TUT4: variants seen among roughly 807,000 people sequenced by gnomAD.
The protein encoded by TUT4 is terminal uridylyl transferase 4.
TUT4 carries 36 observed loss-of-function variants against 192.2 expected under a neutral mutation model. The ratio of observed to expected loss-of-function variants is 0.19; its 90% CI spans 0.14 to 0.25. The LOEUF is 0.25. TUT4 is among the 10% of genes least tolerant of loss of function. The pLI is 1.00. For missense variants in TUT4, 1,493 were observed against 1,957.2 expected (o/e 0.76, Z 4.47); for synonymous variants, 618 against 666.0 (o/e 0.93, Z 1.11).
intron 8 of TUT4, among the ~76,000 whole-genome samples, chr1:52,490,145 A>G (rs906848982): frequency 6.9e-6 from 1 of 145,388 alleles, no homozygotes; most frequent in Non-Finnish European, 1.5e-5. Context: ...CCTTGAGAAG[A>G]GAGGCTTTTT....
intron 28 of TUT4, among the ~76,000 whole-genome samples, chr1:52,426,486 G>A (rs1649989535): frequency 6.6e-6 from 1 of 152,020 alleles, no homozygotes; most frequent in African/African-American, 2.4e-5. Flanking sequence ...GGAATAAAAG[G>A]GAATAACTGC....
intron 19 of TUT4, among the ~76,000 whole-genome samples, chr1:52,458,888 GT>G (rs986139824): frequency 6.6e-6 from 1 of 151,964 alleles, no homozygotes; most frequent in African/African-American, 2.4e-5. Flanking sequence ...GACTAAGAAG[GT>G]TTTTTTAATT....
At chr1:52,456,192 T>A (rs895447210) in intron 20 of TUT4, among the ~76,000 whole-genome samples, 2 of 151,240 alleles carry the variant, frequency 1.3e-5, no homozygotes, top group African/African-American at 4.9e-5. Context: ...TCACCTGAGG[T>A]CAGACATTAG....
At chr1:52,546,066 G>A (rs1268841536) in intron 1 of TUT4, among the ~76,000 whole-genome samples, 1 of 151,952 alleles carries the variant, frequency 6.6e-6, no homozygotes, top group Non-Finnish European at 1.5e-5. Flanking sequence ...TTGAGCCCAG[G>A]AGGCAGAGGT....
chr1:52,462,565 T>A (rs1242844503), intron 16 of TUT4: 1 of 242,358 alleles, frequency 4.1e-6, no homozygotes, highest in Non-Finnish European at 6.6e-6. Flanking sequence ...TACTATTCTA[T>A]AAAATCAAGA....
chr1:52,425,341 A>C lies in TUT4; in HGVS notation c.4870+8T>G. The C allele has an allele frequency of 1.9e-6, 3 of 1,612,426 alleles. No individual in the cohort carries two copies. Among genetic ancestry groups the C allele is most frequent in the Admixed American group, 3.3e-5 (2 of 59,802 alleles). Reference sequence around the variant, plus strand: ...CAAGCCTGTTAACTAATTTGTAAGCAGTGGTACCTTGAGTATAGAAAGGTT... The same window carrying C: ...CAAGCCTGTTAACTAATTTGTAAGCCGTGGTACCTTGAGTATAGAAAGGTT... On this transcript the variant is annotated splice_region_variant and intron_variant, in intron 29 of 29. Coordinates refer to ENST00000257177, the MANE Select transcript of TUT4 (RefSeq NM_001009881.3).
chr1:52,469,635 A>G (rs1557750315), intron 14 of TUT4, among the ~76,000 whole-genome samples: 1 of 152,178 alleles, frequency 6.6e-6, no homozygotes, highest in Non-Finnish European at 1.5e-5. Flanking sequence ...TCACACCTGT[A>G]AGCCCAGCAC....
chr1:52,462,649 T>G, intron 16 of TUT4: 1 of 892,680 alleles, frequency 1.1e-6, no homozygotes, highest in Non-Finnish European at 1.3e-6. Flanking sequence ...CTCAGCAGAA[T>G]GCCTGGCACA....
intron 20 of TUT4, 45 bp downstream of exon 20, chr1:52,458,291 A>G (rs373574532): frequency 1.2e-5 from 17 of 1,449,706 alleles, no homozygotes; most frequent in African/African-American, 5.7e-5. Context: ...GTTTAGATCT[A>G]TTGTTTTCAA....
At chr1:52,441,985 T>G (rs1321214927) in intron 24 of TUT4, among the ~76,000 whole-genome samples, 1 of 151,906 alleles carries the variant, frequency 6.6e-6, no homozygotes, top group Non-Finnish European at 1.5e-5. Flanking sequence ...CTGGCCAGCG[T>G]GGTGAAACCC....
intron 24 of TUT4, among the ~76,000 whole-genome samples, chr1:52,439,887 GAATGGATAATA>G (rs1431410700): frequency 6.6e-6 from 1 of 152,098 alleles, no homozygotes; most frequent in East Asian, 1.9e-4. Context: ...AACAACTGAT[GAATGGATAATA>G]AAATGTGGTA....
At chr1:52,543,742 C>G (rs1687336842) in intron 1 of TUT4, among the ~76,000 whole-genome samples, 1 of 151,904 alleles carries the variant, frequency 6.6e-6, no homozygotes, top group East Asian at 1.9e-4. Context: ...CCTCGGCCTC[C>G]TAAAGTGCTG....
Position 52,505,415 on chromosome 1 carries a change from A to C in TUT4, c.999+4181T>G, listed in dbSNP as rs1356815023. The stretch of plus-strand genomic sequence containing the variant: ...GTCGTCTTCTACTCCTAGTTTGCTT[A>C]GACTTTTTTTTTTTTTTTTTTTTTG... On this transcript the variant is annotated intron_variant, in intron 4 of 29. Coordinates refer to ENST00000257177, the MANE Select transcript of TUT4 (RefSeq NM_001009881.3). 5.0e-5 allele frequency among the ~76,000 whole-genome samples: 7 copies of C among 141,102 alleles called. No individual in the cohort carries two copies. The East Asian group carries it at 1.4e-3, about 29-fold the overall frequency. 92.6% of individuals were successfully genotyped at this position (141,102 alleles called of 152,430 possible). A position where few individuals can be genotyped will look rare whatever the true frequency, so the allele number is the denominator to read the frequency against.
intron 13 of TUT4, 129 bp from the exon 14 acceptor site, chr1:52,472,231 A>T: frequency 1.1e-6 from 1 of 912,422 alleles, no homozygotes; most frequent in Non-Finnish European, 1.6e-6. Flanking sequence ...AGGTAATTAA[A>T]AAAAAAAACA....
At chr1:52,544,224 C>T (rs946969135) in intron 1 of TUT4, among the ~76,000 whole-genome samples, 5 of 150,658 alleles carry the variant, frequency 3.3e-5, no homozygotes, top group Non-Finnish European at 7.4e-5. Context: ...GGAGGCGGAG[C>T]TTGCAGTGAG....
At position 52,502,779 on chromosome 1, in the gene TUT4, C is replaced by T. The variant is rs143315707; in HGVS notation, c.1000-5596G>A. On this transcript the variant is annotated intron_variant, in intron 4 of 29. Transcript: ENST00000257177. ...CTGGGACCACAGGCACGTGCCACCA[C>T]GCCCAGCTAATTTTTTGTATTATTG... Among the ~76,000 whole-genome samples, 731 of 152,066 alleles carry T rather than the reference C, an allele frequency of 4.8e-3. 6 individuals carry two copies. Among genetic ancestry groups the T allele is most frequent in the African/African-American group, 0.017 (691 of 41,466 alleles).
In TUT4 at chr1:52,509,575, TA is replaced by T; in HGVS notation, c.999+20del. 2 of 1,227,078 alleles carry T rather than the reference TA, an allele frequency of 1.6e-6. No individual in the cohort carries two copies. The highest frequency in any genetic ancestry group is 2.3e-6 in the Non-Finnish European group (2 of 865,100). The allele number at this position is 1,227,078 out of a possible 1,614,324, so 76.0% of individuals were successfully genotyped here. On this transcript the variant is annotated intron_variant, in intron 4 of 29. Coordinates refer to ENST00000257177, the MANE Select transcript of TUT4 (RefSeq NM_001009881.3). ...TTACAACTTGAAAAATAAATAAAAG[TA>T]TTTTTTAAAAAGAACTTACCAAAAT...
chr1:52,466,008 G>A (rs1333017969), intron 15 of TUT4, among the ~76,000 whole-genome samples: 2 of 152,068 alleles, frequency 1.3e-5, no homozygotes, highest in African/African-American at 2.4e-5. Flanking sequence ...AACCTCCCAA[G>A]TGGCTGAGAT....
rs149399531 is a variant in TUT4, at chr1:52,543,911, G to C, written c.-94+9020C>G. 1.4e-3 allele frequency among the ~76,000 whole-genome samples: 207 copies of C among 152,240 alleles called. 1 individual carries two copies. Among genetic ancestry groups the C allele is most frequent in the Non-Finnish European group, 2.3e-3 (156 of 68,022 alleles). On this transcript the variant is annotated intron_variant, in intron 1 of 29. Transcript: ENST00000257177. ...TCCTAAAATTCACATGGAATCTCAA[G>C]AGACCCCAAATAGCCAAAAGTCTTG...
Sources: allele counts gnomAD v4.1 joint callset (sites outside exome capture counted in the v4.1 genomes callset), GRCh38; gene constraint gnomAD v4.1.1; transcripts MANE v1.5; gene names NCBI Gene and HGNC (gene_info 2026-07-23, HGNC 2026-07-21).